Variants in PTPRN2 observed in about 807,000 individuals in gnomAD.
PTPRN2 encodes protein tyrosine phosphatase receptor type N2.
A neutral mutation model predicts 118.8 loss-of-function variants in PTPRN2; 74 were observed. The observed-to-expected ratio is 0.62, with a 90% CI of 0.52 to 0.76. PTPRN2 has a LOEUF of 0.76. Among genes scored for constraint, PTPRN2 ranks in the 30% least tolerant of loss-of-function variants. The pLI, the probability that PTPRN2 is intolerant of heterozygous loss-of-function variation, is 0.00. For synonymous variants in PTPRN2, 641 were observed against 608.0 expected, an observed-to-expected ratio of 1.05 and a Z score of -0.80; for missense variants, 1,481 against 1,394.4, an observed-to-expected ratio of 1.06 and a Z score of -0.99.
At chr7:157,557,718 T>C (rs1798977342) in intron 21 of PTPRN2, among the ~76,000 whole-genome samples, 1 of 152,128 alleles carries the variant, frequency 6.6e-6, no homozygotes, top group South Asian at 2.1e-4. Context: ...ATTGCTGGGA[T>C]CAAAGGAGGC....
At chr7:158,151,519 G>GCC (rs1563522339) in intron 6 of PTPRN2, among the ~76,000 whole-genome samples, 6 of 12,878 alleles carry the variant, frequency 4.7e-4, no homozygotes, top group East Asian at 3.0e-3. Context: ...GCTCCTCACC[G>GCC]CACGTCCTAC....
chr7:157,728,735 G>T (rs940632782), intron 12 of PTPRN2, among the ~76,000 whole-genome samples: 22 of 152,140 alleles, frequency 1.4e-4, no homozygotes, highest in Non-Finnish European at 3.1e-4. Flanking sequence ...ATTGAAAAAA[G>T]GATTTGCATA....
chr7:157,955,636 A>G (rs888812782), intron 11 of PTPRN2, among the ~76,000 whole-genome samples: 1 of 152,182 alleles, frequency 6.6e-6, no homozygotes, highest in Non-Finnish European at 1.5e-5. Flanking sequence ...TCTCTTCTTC[A>G]GACAACTCCC....
At chr7:157,952,489 AGGGT>A (rs1436857604) in intron 11 of PTPRN2, among the ~76,000 whole-genome samples, 2 of 140,060 alleles carry the variant, frequency 1.4e-5, no homozygotes, top group Non-Finnish European at 3.1e-5. Flanking sequence ...GAGACAGGCG[AGGGT>A]GGGGAGGGAG....
intron 1 of PTPRN2, among the ~76,000 whole-genome samples, chr7:158,577,364 C>T (rs1201023027): frequency 4.2e-5 from 6 of 142,496 alleles, no homozygotes; most frequent in Admixed American, 1.4e-4. Context: ...CCACAGACAG[C>T]ATGGGGCCTG....
At chr7:158,381,897 C>T (rs183090172) in intron 2 of PTPRN2, among the ~76,000 whole-genome samples, 1 of 152,292 alleles carries the variant, frequency 6.6e-6, no homozygotes, top group Admixed American at 6.5e-5. Flanking sequence ...ACCATCAGAT[C>T]TTGTAAGACT....
chr7:158,025,470 T>C (rs1180747530), intron 11 of PTPRN2, among the ~76,000 whole-genome samples: 1 of 152,200 alleles, frequency 6.6e-6, no homozygotes, highest in African/African-American at 2.4e-5. Flanking sequence ...AGAGGCTGAA[T>C]TGTGTGGCCA....
intron 11 of PTPRN2, among the ~76,000 whole-genome samples, chr7:157,906,120 G>A (rs753612560): frequency 9.9e-5 from 15 of 152,214 alleles, no homozygotes; most frequent in South Asian, 2.1e-4. Context: ...AGGATTCCCC[G>A]TGCATGTCAG....
At position 158,093,409 on chromosome 7, in the gene PTPRN2, C is replaced by T. The variant is rs966428685; in HGVS notation, c.1644-12032G>A. Among the ~76,000 whole-genome samples the T allele has an allele frequency of 5.9e-5, 9 of 152,156 alleles. No homozygotes were observed. The highest frequency in any genetic ancestry group is 1.9e-4 in the African/African-American group (8 of 41,436). On this transcript the variant is annotated intron_variant, in intron 10 of 22. Coordinates refer to ENST00000389418, the MANE Select transcript of PTPRN2 (RefSeq NM_002847.5). This position sits in a 1 kb window ranked among gnomAD's most constrained non-coding sequence, Gnocchi z 4.4. ...CACCACTGTCCTTTCCTGACTCTGT[C>T]GCTGGACCGACCCCCACACTGTTTG...
chr7:157,791,566 G>T (rs1804502752), intron 12 of PTPRN2, among the ~76,000 whole-genome samples: 1 of 117,294 alleles, frequency 8.5e-6, no homozygotes, highest in Admixed American at 8.7e-5. Flanking sequence ...CCCCCTCCCT[G>T]CACCCGCCCC....
chr7:158,336,953 ACT>A (rs1805691372), intron 2 of PTPRN2, among the ~76,000 whole-genome samples: 3 of 20,476 alleles, frequency 1.5e-4, no homozygotes, highest in South Asian at 3.2e-3. Flanking sequence ...CGTCACTCAC[ACT>A]CACACTCTCA....
At chr7:158,152,303 C>G (rs916400897) in intron 6 of PTPRN2, among the ~76,000 whole-genome samples, 3 of 152,020 alleles carry the variant, frequency 2.0e-5, no homozygotes, top group African/African-American at 7.2e-5. Context: ...CCAGAGAAAG[C>G]CTCATTGAGA....
intron 14 of PTPRN2, among the ~76,000 whole-genome samples, chr7:157,650,674 A>G (rs1247585420): frequency 1.3e-5 from 2 of 152,328 alleles, no homozygotes; most frequent in South Asian, 2.1e-4. Context: ...GGAATCTTCC[A>G]GAAATACAGG....
At chr7:158,091,890 T>A (rs910164710) in intron 10 of PTPRN2, among the ~76,000 whole-genome samples, 20 of 75,414 alleles carry the variant, frequency 2.7e-4, no homozygotes, top group Non-Finnish European at 1.3e-4. Flanking sequence ...GAGTGAGGGA[T>A]AGGTGATAGA....
chr7:157,866,368 A>G (rs889571243), intron 12 of PTPRN2, among the ~76,000 whole-genome samples: 3 of 152,142 alleles, frequency 2.0e-5, no homozygotes, highest in African/African-American at 7.2e-5. Flanking sequence ...AAGCACACAC[A>G]TACACATGAG....
At chr7:157,686,077 G>A (rs1395483120) in intron 12 of PTPRN2, among the ~76,000 whole-genome samples, 1 of 152,214 alleles carries the variant, frequency 6.6e-6, no homozygotes, top group Non-Finnish European at 1.5e-5. Context: ...GGCTGAGGGC[G>A]AGGAGGGTCT....
intron 12 of PTPRN2, among the ~76,000 whole-genome samples, chr7:157,689,304 C>A (rs564392914): frequency 2.0e-5 from 3 of 152,344 alleles, no homozygotes; most frequent in Non-Finnish European, 2.9e-5. Flanking sequence ...GGACACCCTG[C>A]GCTCCGGACT....
At position 157,622,893 on chromosome 7, in the gene PTPRN2, C is replaced by G. The variant is rs142118745; in HGVS notation, c.2197-1384G>C. On this transcript the variant is annotated intron_variant, in intron 14 of 22. Transcript: ENST00000389418. This position sits in a 1 kb window ranked among gnomAD's most constrained non-coding sequence, Gnocchi z 5.3. Reference sequence around the variant, plus strand: ...CCTGCTCCACGCAGCGAACGCTTTTCCCCCACCACACCTTGAGCCTTGGGA... The same window carrying G: ...CCTGCTCCACGCAGCGAACGCTTTTGCCCCACCACACCTTGAGCCTTGGGA... Among the ~76,000 whole-genome samples the G allele has an allele frequency of 2.9e-3, 449 of 152,286 alleles. 6 individuals carry two copies. Among genetic ancestry groups the G allele is most frequent in the African/African-American group, 0.01 (430 of 41,566 alleles).
intron 10 of PTPRN2, among the ~76,000 whole-genome samples, chr7:158,102,887 C>T (rs1815355426): frequency 6.6e-6 from 1 of 152,200 alleles, no homozygotes; most frequent in East Asian, 1.9e-4. Flanking sequence ...AGGGAAGGCA[C>T]TGCAGACCCG....
Sources: gnomAD v4.1 joint callset for allele counts (sites outside exome capture counted in the v4.1 genomes callset) on GRCh38, gnomAD v4.1.1 for gene constraint, Gnocchi (gnomAD v3.1) non-coding constraint, MANE v1.5 for transcripts, NCBI Gene and HGNC (gene_info 2026-07-23, HGNC 2026-07-21) for gene names.